CSMD3: variants seen among roughly 807,000 people sequenced by gnomAD.
CSMD3 encodes the protein CUB and Sushi multiple domains 3.
Under a neutral mutation model 435.2 loss-of-function variants are expected in CSMD3, and 177 were observed. That is an observed-to-expected ratio of 0.41 (90% CI 0.36 to 0.46). The LOEUF (loss-of-function observed/expected upper bound fraction) is 0.46. Among genes scored for constraint, CSMD3 ranks in the 20% least tolerant of loss-of-function variants. CSMD3 has a pLI of 0.34. For missense variants in CSMD3, 4,265 were observed against 4,504.6 expected, an observed-to-expected ratio of 0.95 and a Z score of 1.52; for synonymous variants, 1,656 against 1,520.5, an observed-to-expected ratio of 1.09 and a Z score of -2.07.
At chr8:112,776,999 G>T (rs1299760501) in intron 13 of CSMD3, among the ~76,000 whole-genome samples, 1 of 151,684 alleles carries the variant, frequency 6.6e-6, no homozygotes, top group Admixed American at 6.6e-5. Context: ...CATGGGAAAA[G>T]CTTTTGTACA....
chr8:112,726,825 T>C (rs1335696642), intron 13 of CSMD3, among the ~76,000 whole-genome samples: 1 of 151,890 alleles, frequency 6.6e-6, no homozygotes, highest in Non-Finnish European at 1.5e-5. Flanking sequence ...ATTATTGATG[T>C]AATGTATTAG....
intron 10 of CSMD3, among the ~76,000 whole-genome samples, chr8:112,869,858 A>T (rs2081081900): frequency 6.6e-6 from 1 of 152,210 alleles, no homozygotes; most frequent in Non-Finnish European, 1.5e-5. Flanking sequence ...CAGGGAAGGG[A>T]ACATTGCACA....
At chr8:112,665,220 A>G (rs1272202773) in intron 17 of CSMD3, among the ~76,000 whole-genome samples, 1 of 152,120 alleles carries the variant, frequency 6.6e-6, no homozygotes, top group African/African-American at 2.4e-5. Context: ...TTTTGTCTAT[A>G]AATACTTTCT....
intron 3 of CSMD3, among the ~76,000 whole-genome samples, chr8:113,174,752 T>G (rs1698341077): frequency 6.6e-6 from 1 of 151,904 alleles, no homozygotes; most frequent in South Asian, 2.1e-4. Flanking sequence ...GTTTTCTAAA[T>G]TTTTATTTTA....
At chr8:112,957,289 G>A (rs1407353671) in intron 7 of CSMD3, among the ~76,000 whole-genome samples, 2 of 152,044 alleles carry the variant, frequency 1.3e-5, no homozygotes, top group Non-Finnish European at 2.9e-5. Flanking sequence ...ATGCATTTCA[G>A]TAATAAGCAT....
intron 2 of CSMD3, chr8:113,310,386 C>T (rs1419974372): frequency 6.6e-6 from 1 of 151,642 alleles, no homozygotes; most frequent in East Asian, 1.9e-4. Flanking sequence ...TTTTAAAATT[C>T]TTCACTTATT....
chr8:113,199,473 G>A (rs2092695004), intron 3 of CSMD3, among the ~76,000 whole-genome samples: 1 of 151,574 alleles, frequency 6.6e-6, no homozygotes, highest in Non-Finnish European at 1.5e-5. Flanking sequence ...ATATGATCTG[G>A]GTGGGATAAT....
Position 112,318,927 on chromosome 8 carries a change from G to C in CSMD3, c.7270C>G (p.Leu2424Val), listed in dbSNP as rs779251326. The C allele has an allele frequency of 5.6e-6, 9 of 1,610,170 alleles. No individual in the cohort carries two copies. In the East Asian group the frequency reaches 2.0e-4, roughly 36 times the overall value. Reference sequence around the variant, plus strand: ...TTACCAACTAAAGTAAATCCTGGAAGACACTGATACCTAATAATATCACCT... The same window carrying C: ...TTACCAACTAAAGTAAATCCTGGAACACACTGATACCTAATAATATCACCT... ...EIGDIIRYQC[L>V]PGFTLVGNAI... is the part of the protein sequence containing the mutation. Residue 2424 changes from leucine (L) to valine (V), a missense_variant, in exon 47 of 71, where the codon CTT (leucine) becomes GTT (valine). Coordinates refer to ENST00000297405, the MANE Select transcript of CSMD3 (RefSeq NM_198123.2).
At chr8:113,113,609 C>T (rs2090732113) in intron 4 of CSMD3, among the ~76,000 whole-genome samples, 2 of 152,150 alleles carry the variant, frequency 1.3e-5, no homozygotes, top group Non-Finnish European at 2.9e-5. Flanking sequence ...GACATTCAGT[C>T]TTGCCAAGGA....
At chr8:112,889,823 C>T (rs1276888258) in intron 10 of CSMD3, among the ~76,000 whole-genome samples, 1 of 151,634 alleles carries the variant, frequency 6.6e-6, no homozygotes, top group East Asian at 2.0e-4. Flanking sequence ...TCTACCCTCC[C>T]TTCCTACCTC....
At chr8:112,522,798 T>C (rs1307857961) in intron 27 of CSMD3, among the ~76,000 whole-genome samples, 1 of 151,932 alleles carries the variant, frequency 6.6e-6, no homozygotes, top group East Asian at 1.9e-4. Context: ...GAGTTCTCAT[T>C]ATTGCTACTG....
chr8:113,220,396 A>G (rs1429824803), intron 3 of CSMD3, among the ~76,000 whole-genome samples: 1 of 151,406 alleles, frequency 6.6e-6, no homozygotes, highest in Non-Finnish European at 1.5e-5. Flanking sequence ...GACAGTCACA[A>G]GCATACAGGA....
In CSMD3 at chr8:112,430,781, C is replaced by T. The variant is rs545020037; in HGVS notation, c.5396-21749G>A. 2.7e-4 allele frequency among the ~76,000 whole-genome samples: 41 copies of T among 151,930 alleles called. No homozygotes were observed. The South Asian group carries it at 5.8e-3, about 22-fold the overall frequency. ...TTCACTGGTCTAGAGATTGATGGTG[C>T]GGACTATAAAATGTAATATGGAGCC... On this transcript the variant is annotated intron_variant, in intron 32 of 70. Transcript: ENST00000297405.
chr8:112,681,966 G>GA (rs907764636), intron 16 of CSMD3, among the ~76,000 whole-genome samples: 1 of 151,750 alleles, frequency 6.6e-6, no homozygotes, highest in Non-Finnish European at 1.5e-5. Context: ...AATAAAAACT[G>GA]AAAAAAATTA....
intron 64 of CSMD3, among the ~76,000 whole-genome samples, chr8:112,244,906 C>G (rs571453991): frequency 1.3e-5 from 2 of 151,846 alleles, no homozygotes; most frequent in Non-Finnish European, 2.9e-5. Flanking sequence ...TCACAAAAAC[C>G]AGCATTTTAA....
rs558405140 is a variant in CSMD3 at position 112,298,147 on chromosome 8, T to C, written c.8441-2141A>G. 1.9e-3 allele frequency among the ~76,000 whole-genome samples: 283 copies of C among 151,030 alleles called. 3 individuals carry two copies. Among genetic ancestry groups the C allele is most frequent in the Middle Eastern group, 3.5e-3 (1 of 288 alleles). On this transcript the variant is annotated intron_variant, in intron 53 of 70. Coordinates refer to ENST00000297405, the MANE Select transcript of CSMD3 (RefSeq NM_198123.2). ...CATGGATCACAAGACTCAATGTTTT[T>C]AGAAGCCAATTTTCCCCAAACTGAT...
At chr8:113,157,987 C>A (rs960277208) in intron 4 of CSMD3, among the ~76,000 whole-genome samples, 4 of 151,890 alleles carry the variant, frequency 2.6e-5, no homozygotes, top group Admixed American at 2.6e-4. Flanking sequence ...CACCTTTCAT[C>A]ATGAAGAATT....
chr8:112,673,559 C>T (rs1339584702), intron 16 of CSMD3, among the ~76,000 whole-genome samples: 3 of 151,996 alleles, frequency 2.0e-5, no homozygotes, highest in Non-Finnish European at 4.4e-5. Flanking sequence ...TTTATAAGAA[C>T]CACAAATCAA....
intron 1 of CSMD3, among the ~76,000 whole-genome samples, chr8:113,350,878 T>C (rs1180131530): frequency 6.6e-6 from 1 of 152,102 alleles, no homozygotes; most frequent in Non-Finnish European, 1.5e-5. Flanking sequence ...CAGACTCCAG[T>C]TATTCAGTCT....
Sources: allele counts gnomAD v4.1 joint callset (sites outside exome capture counted in the v4.1 genomes callset), GRCh38; gene constraint gnomAD v4.1.1; transcripts MANE v1.5; gene names NCBI Gene and HGNC (gene_info 2026-07-23, HGNC 2026-07-21).